The following KLF12 variants were observed in gnomAD, a reference collection of about 807,000 sequenced individuals.
KLF12 encodes the protein KLF transcription factor 12.
Under a neutral mutation model 37.8 loss-of-function variants are expected in KLF12, and 9 were observed. That is an observed-to-expected ratio of 0.24 (90% CI 0.14 to 0.42). KLF12 has a LOEUF of 0.42. Among genes scored for constraint, KLF12 ranks in the 10% least tolerant of loss-of-function variants. KLF12 has a pLI of 1.00. For synonymous variants in KLF12, 208 were observed against 202.1 expected (o/e 1.03, Z -0.25); for missense variants, 411 against 516.0 (o/e 0.80, Z 1.97).
At chr13:73,844,177 A>T in intron 4 of KLF12, among the ~76,000 whole-genome samples, 1 of 152,192 alleles carries the variant, frequency 6.6e-6, no homozygotes, top group Admixed American at 6.5e-5. Context: ...GTACACATAT[A>T]TAAGATAATA....
At position 73,984,591 on chromosome 13, in the gene KLF12, C is replaced by T. The variant is rs544826434; in HGVS notation, c.33+10399G>A. 2.0e-5 allele frequency among the ~76,000 whole-genome samples: 3 copies of T among 152,262 alleles called. No homozygotes were observed. In the South Asian group the frequency reaches 6.2e-4, roughly 32 times the overall value. On this transcript the variant is annotated intron_variant, in intron 2 of 7. Transcript: ENST00000377669. ...CATCCTTCCTTCCCGACTGCTAGCC[C>T]TGGTGATTTCAGCTCTGGCGCCAAA...
chr13:74,026,262 G>C (rs2138453502), intron 1 of KLF12, among the ~76,000 whole-genome samples: 1 of 151,728 alleles, frequency 6.6e-6, no homozygotes, highest in South Asian at 2.1e-4. Flanking sequence ...GGATGGAAGA[G>C]GAAAAAAATC....
chr13:73,896,818 A>G (rs1231400336), intron 3 of KLF12, among the ~76,000 whole-genome samples: 1 of 152,186 alleles, frequency 6.6e-6, no homozygotes, highest in East Asian at 1.9e-4. Context: ...ACAAAGCCAT[A>G]TAATACAATG....
the KLF12 span, among the ~76,000 whole-genome samples, chr13:74,219,259 A>T: frequency 3.3e-5 from 5 of 152,176 alleles, no homozygotes; most frequent in African/African-American, 1.2e-4. Context: ...CCCGGCTGAG[A>T]TTTGTAAATT....
At chr13:74,237,794 G>C in the KLF12 span, among the ~76,000 whole-genome samples, 3 of 152,366 alleles carry the variant, frequency 2.0e-5, no homozygotes, top group Admixed American at 6.5e-5. Context: ...CATTTTGTAT[G>C]CTGAGACTTT....
At chr13:73,753,193 C>T (rs1311619378) in intron 6 of KLF12, among the ~76,000 whole-genome samples, 1 of 152,138 alleles carries the variant, frequency 6.6e-6, no homozygotes, top group African/African-American at 2.4e-5. Flanking sequence ...TTTCTGCTCC[C>T]ACCGACCTCT....
At chr13:74,229,451 A>G in the KLF12 span, among the ~76,000 whole-genome samples, 1 of 152,130 alleles carries the variant, frequency 6.6e-6, no homozygotes, top group Non-Finnish European at 1.5e-5. Context: ...CCTCAGCCCC[A>G]TGGTGTGCTC....
intron 2 of KLF12, among the ~76,000 whole-genome samples, chr13:73,964,547 A>G: frequency 6.6e-6 from 1 of 151,504 alleles, no homozygotes; most frequent in East Asian, 1.9e-4. Context: ...AGGCGGGTGG[A>G]TCACGAGGTC....
chr13:74,198,722 G>C, the KLF12 span, among the ~76,000 whole-genome samples: 1 of 152,248 alleles, frequency 6.6e-6, no homozygotes, highest in East Asian at 1.9e-4. Flanking sequence ...TAGATAGTTT[G>C]AGAAGTGTTA....
the KLF12 span, among the ~76,000 whole-genome samples, chr13:74,244,784 T>G: frequency 6.6e-6 from 1 of 152,212 alleles, no homozygotes; most frequent in Non-Finnish European, 1.5e-5. Context: ...TGCTACCAAG[T>G]AAAATTGAAT....
chr13:73,919,110 G>A (rs1199630648), intron 3 of KLF12, among the ~76,000 whole-genome samples: 1 of 152,134 alleles, frequency 6.6e-6, no homozygotes, highest in African/African-American at 2.4e-5. Flanking sequence ...CAGGAGCACT[G>A]TCCACATCCA....
At chr13:73,792,500 T>C (rs984413847) in intron 5 of KLF12, among the ~76,000 whole-genome samples, 13 of 152,136 alleles carry the variant, frequency 8.5e-5, no homozygotes, top group Admixed American at 2.6e-4. Context: ...TAGCAGGCCA[T>C]TTTGCAGTCT....
At chr13:73,734,889 C>G (rs1594024704) in intron 6 of KLF12, among the ~76,000 whole-genome samples, 1 of 152,116 alleles carries the variant, frequency 6.6e-6, no homozygotes, top group African/African-American at 2.4e-5. Context: ...CAATCAGGCA[C>G]TGTCTGACTC....
At chr13:74,241,796 C>T in the KLF12 span, among the ~76,000 whole-genome samples, 23 of 152,328 alleles carry the variant, frequency 1.5e-4, no homozygotes, top group Admixed American at 4.6e-4. Flanking sequence ...CCTCGCCCTG[C>T]TTCGGCTCGC....
At chr13:74,114,491 C>T (rs765321807) in intron 1 of KLF12, among the ~76,000 whole-genome samples, 3 of 152,100 alleles carry the variant, frequency 2.0e-5, no homozygotes, top group Admixed American at 6.5e-5. Context: ...CCTACAGTAT[C>T]TCTGAGGTAT....
the KLF12 span, among the ~76,000 whole-genome samples, chr13:74,261,042 C>T: frequency 6.6e-6 from 1 of 152,106 alleles, no homozygotes; most frequent in Non-Finnish European, 1.5e-5. Context: ...GTACGGTGCT[C>T]AGGTGATGGG....
At chr13:74,219,697 T>C in the KLF12 span, among the ~76,000 whole-genome samples, 2 of 152,256 alleles carry the variant, frequency 1.3e-5, no homozygotes, top group Non-Finnish European at 1.5e-5. Context: ...CTCAAACTTA[T>C]TCTTGAATGG....
chr13:73,692,906 C>A lies in KLF12; in HGVS notation c.*2584G>T, dbSNP rs922706702. 1.3e-5 allele frequency: 2 copies of A among 152,522 alleles called. No homozygotes were observed. Among genetic ancestry groups the A allele is most frequent in the Non-Finnish European group, 2.9e-5 (2 of 68,030 alleles). 9.4% of individuals were successfully genotyped at this position (152,522 alleles called of 1,614,324 possible). On this transcript the variant is annotated 3_prime_UTR_variant, in exon 8 of 8. Coordinates refer to ENST00000377669, the MANE Select transcript of KLF12 (RefSeq NM_007249.5). ...TTTCAGAGGATGAGGGAAAATGTTCCCTTCCCCAAATCCATCCTATGTTAT... is the reference window on the plus strand; with the variant it reads ...TTTCAGAGGATGAGGGAAAATGTTCACTTCCCCAAATCCATCCTATGTTAT...
rs760335816 is a variant in KLF12, at chr13:73,813,228, C to A, written c.730G>T (p.Asp244Tyr). ...CTATCTAAGGTCACATTTGGCAGGTCATCATCATCACTGTCACTTTTACTT... is the reference window on the plus strand; with the variant it reads ...CTATCTAAGGTCACATTTGGCAGGTAATCATCATCACTGTCACTTTTACTT... The change falls in exon 5 of 8, where the codon GAC (aspartate) becomes TAC (tyrosine). Residue 244 changes from aspartate (D) to tyrosine (Y), a missense_variant. Physicochemically the swap from Asp to Tyr is radical, Grantham distance 160. This residue lies in a region of KLF12 where 351 missense variants were observed against 397.8 expected (regional missense o/e 0.88). Transcript: ENST00000377669. The A allele has an allele frequency of 1.2e-6, 2 of 1,613,798 alleles. No homozygotes were observed. The highest frequency in any genetic ancestry group is 2.2e-5 in the East Asian group (1 of 44,872).
Sources: allele counts gnomAD v4.1 joint callset (sites outside exome capture counted in the v4.1 genomes callset), GRCh38; gene constraint gnomAD v4.1.1; regional missense constraint gnomAD v4.1.1; transcripts MANE v1.5; gene names NCBI Gene and HGNC (gene_info 2026-07-23, HGNC 2026-07-21).